The following HMGB1 variants were observed in gnomAD, a reference collection of about 807,000 sequenced individuals.
HMGB1 encodes high mobility group box 1, also known as high mobility group protein B1.
For missense variants in HMGB1, 79 were observed against 253.5 expected, an observed-to-expected ratio of 0.31 and a Z score of 4.67; for synonymous variants, 81 against 84.0, an observed-to-expected ratio of 0.96 and a Z score of 0.19.
intron 1 of HMGB1, among the ~76,000 whole-genome samples, chr13:30,612,914 G>A (rs1336950863): frequency 6.6e-6 from 1 of 152,180 alleles, no homozygotes; most frequent in African/African-American, 2.4e-5. Flanking sequence ...ACCTAAAGCA[G>A]TTCCTAATTA....
chr13:30,495,870 A>G (rs1566005683), intron 1 of HMGB1, among the ~76,000 whole-genome samples: 1 of 152,186 alleles, frequency 6.6e-6, no homozygotes, highest in Non-Finnish European at 1.5e-5. Context: ...TTTCTCAGGT[A>G]ATGTGGTTCC....
chr13:30,608,879 A>C (rs1950485615), intron 1 of HMGB1, among the ~76,000 whole-genome samples: 1 of 152,230 alleles, frequency 6.6e-6, no homozygotes, highest in African/African-American at 2.4e-5. Flanking sequence ...CTCTAAACTA[A>C]GTTTAATTTT....
chr13:30,530,021 C>T (rs955908937), intron 1 of HMGB1, among the ~76,000 whole-genome samples: 45 of 152,230 alleles, frequency 3.0e-4, no homozygotes, highest in African/African-American at 9.1e-4. Context: ...TCAAATTCAA[C>T]AATGACACCC....
chr13:30,490,929 C>T (rs759091556), intron 1 of HMGB1, among the ~76,000 whole-genome samples: 1 of 152,162 alleles, frequency 6.6e-6, no homozygotes, highest in Non-Finnish European at 1.5e-5. Context: ...ACGCATTCCA[C>T]TAGATATCTT....
chr13:30,577,743 C>G (rs1870720694), intron 1 of HMGB1, among the ~76,000 whole-genome samples: 1 of 152,236 alleles, frequency 6.6e-6, no homozygotes, highest in Admixed American at 6.5e-5. Context: ...GTTGTTTCAA[C>G]AAGGCGATAC....
chr13:30,586,480 T>TTTTTTTG (rs1491202448), intron 1 of HMGB1, among the ~76,000 whole-genome samples: 1 of 3,442 alleles, frequency 2.9e-4, no homozygotes, highest in African/African-American at 1.7e-3. Flanking sequence ...GTTTTTTTTG[T>TTTTTTTG]TTTTTTTTTT....
intron 1 of HMGB1, among the ~76,000 whole-genome samples, chr13:30,593,545 C>T (rs11619701): frequency 1.3e-5 from 2 of 152,154 alleles, no homozygotes; most frequent in African/African-American, 4.8e-5. Flanking sequence ...TCGAACCACC[C>T]ATCTATAGAA....
chr13:30,571,110 AG>A (rs1033946585), intron 1 of HMGB1, among the ~76,000 whole-genome samples: 18 of 152,308 alleles, frequency 1.2e-4, no homozygotes, highest in Non-Finnish European at 1.2e-4. Context: ...AGAAGGTGGA[AG>A]AAAAATCTTA....
intron 1 of HMGB1, among the ~76,000 whole-genome samples, chr13:30,604,153 G>C (rs558631276): frequency 2.6e-5 from 4 of 152,156 alleles, no homozygotes; most frequent in Admixed American, 2.6e-4. Context: ...CTCCAAGTTG[G>C]GGGGTGGGTG....
At chr13:30,463,716 T>C (rs755873920) in intron 1 of HMGB1, 22 bp from the exon 2 acceptor site, 2 of 1,449,012 alleles carry the variant, frequency 1.4e-6, no homozygotes, top group South Asian at 2.5e-5. Flanking sequence ...AATAAATATT[T>C]GATGTTAGCA....
At chr13:30,482,941 C>T (rs1222253880) in intron 1 of HMGB1, among the ~76,000 whole-genome samples, 1 of 138,008 alleles carries the variant, frequency 7.2e-6, no homozygotes, top group Non-Finnish European at 1.6e-5. Flanking sequence ...GTGCACACCA[C>T]CAACACCAGC....
upstream of HMGB1, among the ~76,000 whole-genome samples, chr13:30,470,205 C>G (rs1364916154): frequency 3.3e-5 from 5 of 152,120 alleles, no homozygotes; most frequent in East Asian, 3.9e-4. Flanking sequence ...ATCTTTGAAT[C>G]CCAAGCACCT....
chr13:30,513,477 T>A (rs1888036299), intron 1 of HMGB1, among the ~76,000 whole-genome samples: 1 of 152,210 alleles, frequency 6.6e-6, no homozygotes, highest in Non-Finnish European at 1.5e-5. Flanking sequence ...ACGATCTGTA[T>A]CTTCATATTT....
intron 1 of HMGB1, among the ~76,000 whole-genome samples, chr13:30,546,332 T>G (rs940679261): frequency 6.6e-6 from 1 of 152,184 alleles, no homozygotes; most frequent in Non-Finnish European, 1.5e-5. Context: ...GCCAGGATGG[T>G]GTTGGTCTCC....
intron 1 of HMGB1, among the ~76,000 whole-genome samples, chr13:30,580,780 A>AT (rs1870866086): frequency 1.3e-5 from 2 of 152,246 alleles, no homozygotes; most frequent in African/African-American, 4.8e-5. Context: ...AAGAGGCAAG[A>AT]AAGAGCAAAG....
chr13:30,484,413 C>T (rs1411208173), intron 1 of HMGB1, among the ~76,000 whole-genome samples: 3 of 152,188 alleles, frequency 2.0e-5, no homozygotes, highest in Non-Finnish European at 4.4e-5. Flanking sequence ...CTACTCTATA[C>T]CTGCTACTAA....
intron 1 of HMGB1, among the ~76,000 whole-genome samples, chr13:30,538,220 G>A (rs1305936271): frequency 6.6e-6 from 1 of 152,192 alleles, no homozygotes; most frequent in Non-Finnish European, 1.5e-5. Flanking sequence ...ACAGCTCCAT[G>A]AAATCTGTGT....
At chr13:30,553,972 T>A in intron 1 of HMGB1, 1 of 1,487,088 alleles carries the variant, frequency 6.7e-7, no homozygotes, top group Non-Finnish European at 9.4e-7. Context: ...TGGCTTACGG[T>A]TTGGCAGCAG....
At chr13:30,614,995 C>T (rs1157554920) in intron 1 of HMGB1, among the ~76,000 whole-genome samples, 1 of 151,802 alleles carries the variant, frequency 6.6e-6, no homozygotes. Flanking sequence ...CAGGTGTGAG[C>T]CACCACGCCC....
Sources: allele counts gnomAD v4.1 joint callset (sites outside exome capture counted in the v4.1 genomes callset), GRCh38; gene constraint gnomAD v4.1.1; transcripts MANE v1.5; gene names NCBI Gene and HGNC (gene_info 2026-07-23, HGNC 2026-07-21).